Variants in DEPTOR observed in about 807,000 individuals in gnomAD.
DEPTOR encodes DEP domain-containing mTOR-interacting protein.
DEPTOR carries 41 observed loss-of-function variants against 41.6 expected under a neutral mutation model. That is an observed-to-expected ratio of 0.98 (90% CI 0.77 to 1.28). DEPTOR has a LOEUF of 1.28. Ranked by LOEUF, DEPTOR falls within the 50% of genes most tolerant of loss-of-function variation. The probability of loss-of-function intolerance (pLI) is 0.00; values close to 1 mark genes in which losing one functional copy is unlikely to be tolerated. For missense variants in DEPTOR, 514 were observed against 527.9 expected (o/e 0.97, Z 0.26); for synonymous variants, 195 against 192.3 (o/e 1.01, Z -0.12).
chr8:119,887,916 G>A (rs563480390), intron 1 of DEPTOR, among the ~76,000 whole-genome samples: 15 of 143,410 alleles, frequency 1.0e-4, no homozygotes, highest in Non-Finnish European at 2.2e-4. Context: ...AACCCTACCC[G>A]CTCAAGTGAG....
chr8:120,036,654 T>C (rs1406699377), intron 8 of DEPTOR, among the ~76,000 whole-genome samples: 1 of 152,190 alleles, frequency 6.6e-6, no homozygotes, highest in African/African-American at 2.4e-5. Context: ...TCCTAAGTAG[T>C]GTCCTTGCTG....
At chr8:119,967,753 C>CAAA (rs369574750) in intron 4 of DEPTOR, among the ~76,000 whole-genome samples, 3,554 of 84,942 alleles carry the variant, frequency 0.042, 64 homozygotes, top group Non-Finnish European at 0.048. Context: ...GACTTCGTCC[C>CAAA]AAAAAAAAAA....
chr8:119,889,677 AGGGGAG>A (rs1827426552), intron 1 of DEPTOR, among the ~76,000 whole-genome samples: 1 of 23,308 alleles, frequency 4.3e-5, no homozygotes, highest in Non-Finnish European at 9.4e-5. Context: ...AGGGGAGAGG[AGGGGAG>A]GACAGGGGAG....
In DEPTOR at chr8:119,992,656, ATT is replaced by A. The variant is rs35642906; in HGVS notation, c.605-8851_605-8850del. ...CCTTCCAACTAGATAAGTAGAGTAAATTTTTTTTTTTTTTTTTTTGAGACAGA... is the reference window on the plus strand; with the variant it reads ...CCTTCCAACTAGATAAGTAGAGTAAATTTTTTTTTTTTTTTTTGAGACAGA... On this transcript the variant is annotated intron_variant, in intron 4 of 8. Transcript: ENST00000286234. 4.8e-3 allele frequency among the ~76,000 whole-genome samples: 637 copies of A among 133,724 alleles called. 5 individuals are homozygous for A. Among genetic ancestry groups the A allele is most frequent in the African/African-American group, 0.016 (568 of 36,108 alleles). 87.7% of individuals were successfully genotyped at this position (133,724 alleles called of 152,430 possible). A position where few individuals can be genotyped will look rare whatever the true frequency, so the allele number is the denominator to read the frequency against.
chr8:120,014,303 G>C (rs10955946), intron 8 of DEPTOR, among the ~76,000 whole-genome samples: 2 of 151,742 alleles, frequency 1.3e-5, no homozygotes, highest in African/African-American at 4.8e-5. Context: ...AGGGCTTTTG[G>C]TTTCCTTTCA....
At chr8:119,878,601 A>G (rs1478758796) in intron 1 of DEPTOR, among the ~76,000 whole-genome samples, 1 of 151,672 alleles carries the variant, frequency 6.6e-6, no homozygotes, top group Non-Finnish European at 1.5e-5. Context: ...TGCTGTGATT[A>G]TAGGCGTGAG....
At chr8:119,934,859 A>G (rs1025341005) in intron 3 of DEPTOR, among the ~76,000 whole-genome samples, 1 of 152,104 alleles carries the variant, frequency 6.6e-6, no homozygotes, top group Non-Finnish European at 1.5e-5. Context: ...TATCTAGTAA[A>G]TGGAGATACT....
intron 3 of DEPTOR, among the ~76,000 whole-genome samples, chr8:119,964,090 C>T (rs1299968173): frequency 6.6e-6 from 1 of 152,104 alleles, no homozygotes; most frequent in African/African-American, 2.4e-5. Flanking sequence ...AGAAAGAGAG[C>T]AAGCTCCCTT....
At chr8:119,977,049 G>A (rs1032075137) in intron 4 of DEPTOR, among the ~76,000 whole-genome samples, 2 of 152,124 alleles carry the variant, frequency 1.3e-5, no homozygotes, top group African/African-American at 4.8e-5. Flanking sequence ...TACCCAGGCT[G>A]GAGTGCAGGG....
intron 1 of DEPTOR, among the ~76,000 whole-genome samples, chr8:119,879,110 CA>C (rs34236042): frequency 1.3e-4 from 19 of 147,254 alleles, no homozygotes; most frequent in African/African-American, 2.0e-4. Context: ...AACTCGGTCT[CA>C]AAAAAAAAAA....
At chr8:119,894,254 C>G (rs1827485911) in intron 1 of DEPTOR, among the ~76,000 whole-genome samples, 1 of 151,846 alleles carries the variant, frequency 6.6e-6, no homozygotes, top group South Asian at 2.1e-4. Context: ...GTTCTTGAGA[C>G]AGGGTCTCAC....
At chr8:119,892,999 T>C (rs1586601848) in intron 1 of DEPTOR, among the ~76,000 whole-genome samples, 1 of 152,128 alleles carries the variant, frequency 6.6e-6, no homozygotes, top group South Asian at 2.1e-4. Flanking sequence ...GCCAGGCTGG[T>C]CTCGAACTCC....
chr8:120,017,325 A>C (rs1812627913), intron 8 of DEPTOR, among the ~76,000 whole-genome samples: 1 of 152,164 alleles, frequency 6.6e-6, no homozygotes, highest in African/African-American at 2.4e-5. Context: ...CAGCTTGTAA[A>C]TGTCAGAGTT....
At chr8:120,030,497 G>GTTTTTTT (rs1171655489) in intron 8 of DEPTOR, among the ~76,000 whole-genome samples, 4,109 of 46,122 alleles carry the variant, frequency 0.089, 1,143 homozygotes, top group Non-Finnish European at 0.11. Flanking sequence ...AGGTTCATCA[G>GTTTTTTT]TTTTTTTTTT....
chr8:119,942,633 C>T (rs1450374034), intron 3 of DEPTOR, among the ~76,000 whole-genome samples: 2 of 152,170 alleles, frequency 1.3e-5, no homozygotes, highest in African/African-American at 4.8e-5. Flanking sequence ...GGGCTATGAA[C>T]CAAGTTTCTG....
intron 4 of DEPTOR, among the ~76,000 whole-genome samples, chr8:119,972,732 G>A (rs1828649629): frequency 1.3e-5 from 2 of 151,778 alleles, no homozygotes; most frequent in Non-Finnish European, 2.9e-5. Context: ...ACTCTTAACC[G>A]CTAAAGAAGA....
At chr8:120,016,142 T>C (rs1586659156) in intron 8 of DEPTOR, among the ~76,000 whole-genome samples, 3 of 152,266 alleles carry the variant, frequency 2.0e-5, no homozygotes, top group South Asian at 4.1e-4. Context: ...AACAATGATA[T>C]AGTACAGAGA....
At chr8:119,977,254 T>C (rs370283915) in intron 4 of DEPTOR, among the ~76,000 whole-genome samples, 32 of 152,210 alleles carry the variant, frequency 2.1e-4, no homozygotes, top group African/African-American at 7.0e-4. Context: ...CCGCCCGCCC[T>C]AGCCTCCCAA....
chr8:119,878,579 G>T (rs370715050), intron 1 of DEPTOR, among the ~76,000 whole-genome samples: 1 of 150,428 alleles, frequency 6.6e-6, no homozygotes, highest in South Asian at 2.1e-4. Context: ...CGCCCGCCTC[G>T]GCCTCCCAAA....
Sources: gnomAD v4.1 joint callset for allele counts (sites outside exome capture counted in the v4.1 genomes callset) on GRCh38, gnomAD v4.1.1 for gene constraint, MANE v1.5 for transcripts, NCBI Gene and HGNC (gene_info 2026-07-23, HGNC 2026-07-21) for gene names.